The following CIZ1 variants were observed in gnomAD, a reference collection of about 807,000 sequenced individuals.
The protein encoded by CIZ1 is cip1-interacting zinc finger protein.
Under a neutral mutation model 118.6 loss-of-function variants are expected in CIZ1, and 58 were observed. That is an observed-to-expected ratio of 0.49 (90% CI 0.40 to 0.61). The LOEUF (loss-of-function observed/expected upper bound fraction) is 0.61. CIZ1 is among the 20% of genes least tolerant of loss of function. The pLI is 0.00. For synonymous variants in CIZ1, 448 were observed against 443.4 expected, an observed-to-expected ratio of 1.01 and a Z score of -0.13; for missense variants, 921 against 1,115.9, an observed-to-expected ratio of 0.83 and a Z score of 2.49.
At chr9:128,174,031 A>AC (rs1830555478) in intron 11 of CIZ1, among the ~76,000 whole-genome samples, 1 of 134,092 alleles carries the variant, frequency 7.5e-6, no homozygotes, top group Non-Finnish European at 1.7e-5. Flanking sequence ...AAACAAAAAA[A>AC]AAAAACAAAG....
intron 1 of CIZ1, among the ~76,000 whole-genome samples, chr9:128,198,603 G>T (rs1006147922): frequency 6.6e-6 from 1 of 151,790 alleles, no homozygotes; most frequent in Non-Finnish European, 1.5e-5. Flanking sequence ...GGAGGCCGAG[G>T]CGGGCAGATC....
chr9:128,179,800 G>A (rs1280259887), intron 7 of CIZ1, among the ~76,000 whole-genome samples: 1 of 152,110 alleles, frequency 6.6e-6, no homozygotes. Flanking sequence ...AGCCTCCGGA[G>A]TAGCTGGGAT....
At position 128,203,642 on chromosome 9, in the gene CIZ1, C is replaced by G. The variant is rs1483670500; in HGVS notation, c.-6+544G>C. 6 of 1,515,718 alleles carry G rather than the reference C, an allele frequency of 4.0e-6. No homozygotes were observed. The Admixed American group carries it at 1.3e-4, about 32-fold the overall frequency. The allele number at this position is 1,515,718 out of a possible 1,614,324, so 93.9% of individuals were successfully genotyped here. On this transcript the variant is annotated intron_variant, in intron 1 of 17. Coordinates refer to the CIZ1 transcript ENST00000372948. This position sits in a 1 kb window ranked among gnomAD's most constrained non-coding sequence, Gnocchi z 5.3. ...GAATTTCGTAGGCAGGTAGGCGCGG[C>G]GCGCCCCCAGGCGCCGACCCCCGAC...
In CIZ1 at chr9:128,203,330, A is replaced by C; in HGVS notation, c.-6+856T>G. 1 of 714,300 alleles carries C rather than the reference A, an allele frequency of 1.4e-6. No individual in the cohort carries two copies. The highest frequency in any genetic ancestry group is 1.8e-6 in the Non-Finnish European group (1 of 541,720). 44.2% of individuals were successfully genotyped at this position (714,300 alleles called of 1,614,324 possible). On this transcript the variant is annotated intron_variant, in intron 1 of 17. Coordinates refer to the CIZ1 transcript ENST00000372948. This position sits in a 1 kb window ranked among gnomAD's most constrained non-coding sequence, Gnocchi z 5.3. Reference sequence around the variant, plus strand: ...CGGGCTCCCCCTAGCGGCGTCCGGGAGCGGTGCTCGCTCCGATCCCCGAGG... The same window carrying C: ...CGGGCTCCCCCTAGCGGCGTCCGGGCGCGGTGCTCGCTCCGATCCCCGAGG...
At chr9:128,177,831 C>T in intron 9 of CIZ1, 68 bp from the exon 10 acceptor site, 1 of 1,111,270 alleles carries the variant, frequency 9.0e-7, no homozygotes, top group Non-Finnish European at 1.3e-6. Context: ...CAGCATTCAA[C>T]ATCTGCCAAC....
chr9:128,204,210 T>A (rs1439735234), exon 1 of CIZ1: 2 of 152,474 alleles, frequency 1.3e-5, no homozygotes, highest in East Asian at 3.9e-4. Context: ...CCGCCATCCG[T>A]GCGCAGCGCG....
intron 5 of CIZ1, among the ~76,000 whole-genome samples, chr9:128,184,121 G>C (rs1272293088): frequency 6.6e-6 from 1 of 152,148 alleles, no homozygotes; most frequent in Non-Finnish European, 1.5e-5. Context: ...TAGAATGTCA[G>C]GTTATGATAT....
At position 128,203,692 on chromosome 9, in the gene CIZ1, C is replaced by G. The variant is rs552678023; in HGVS notation, c.-6+494G>C. On this transcript the variant is annotated intron_variant, in intron 1 of 17. Coordinates refer to the CIZ1 transcript ENST00000372948. The surrounding 1 kb of genome is among the most constrained non-coding windows in gnomAD (Gnocchi z 5.3). The stretch of plus-strand genomic sequence containing the variant: ...CCCCCGGGATCCCTGGAGTCCCCGC[C>G]CGGGGCACTGACGGCGCGGCGACCT... The G allele has an allele frequency of 9.2e-5, 128 of 1,386,610 alleles. No individual in the cohort carries two copies. The African/African-American group carries it at 1.8e-3, about 19-fold the overall frequency. 85.9% of individuals were successfully genotyped at this position (1,386,610 alleles called of 1,614,324 possible).
chr9:128,180,963 T>G (rs1831523599), intron 5 of CIZ1, 149 bp from the exon 6 acceptor site: 2 of 642,272 alleles, frequency 3.1e-6, no homozygotes, highest in South Asian at 1.8e-5. Flanking sequence ...GAGTGGATGA[T>G]CTTAGTAAAA....
chr9:128,185,874 C>T (rs993921694), intron 4 of CIZ1, 98 bp from the exon 5 acceptor site: 12 of 845,936 alleles, frequency 1.4e-5, no homozygotes, highest in Admixed American at 1.2e-4. Flanking sequence ...GGGAACATCC[C>T]AGATAATTGA....
chr9:128,181,415 G>T (rs1006778427), intron 5 of CIZ1, among the ~76,000 whole-genome samples: 3 of 152,224 alleles, frequency 2.0e-5, no homozygotes, highest in African/African-American at 4.8e-5. Context: ...TATAAAACAA[G>T]AATTGTTATA....
Position 128,166,124 on chromosome 9 carries a change from G to T in CIZ1, c.*73C>A. On this transcript the variant is annotated 3_prime_UTR_variant, in exon 17 of 17. Coordinates refer to ENST00000372938, the MANE Select transcript of CIZ1 (RefSeq NM_001131016.2). The surrounding 1 kb of genome is among the most constrained non-coding windows in gnomAD (Gnocchi z 4.4). ...GAGTAAAAACATGAACCATGTCAAA[G>T]TTTCCAGGCAGACTCCTAAAAAGCA... 9.1e-7 allele frequency: 1 copy of T among 1,100,048 alleles called. No individual in the cohort carries two copies. The allele number at this position is 1,100,048 out of a possible 1,614,324, so 68.1% of individuals were successfully genotyped here. A position where few individuals can be genotyped will look rare whatever the true frequency, so the allele number is the denominator to read the frequency against.
chr9:128,196,475 G>C (rs1440776905), upstream of CIZ1, among the ~76,000 whole-genome samples: 2 of 151,576 alleles, frequency 1.3e-5, no homozygotes, highest in Non-Finnish European at 2.9e-5. Flanking sequence ...TTGGGCCAGA[G>C]AGGTCAAGTC....
In CIZ1 at chr9:128,166,816, G is replaced by A; in HGVS notation, c.2430C>T (p.Ser810=). Residue 810 remains serine (S), a synonymous_variant, in exon 16 of 17, where the codon AGC becomes AGT. Coordinates refer to ENST00000372938, the MANE Select transcript of CIZ1 (RefSeq NM_001131016.2). This position sits in a 1 kb window ranked among gnomAD's most constrained non-coding sequence, Gnocchi z 4.4. ...ICRICHKFYH[S]NSGAQLSHCK... is the part of the protein sequence containing the mutation. ...AGTGGGAGAGCTGTGCCCCTGAGTT[G>A]CTGTGATAGAACTTGTGGCAGATGC... 1 of 1,614,214 alleles carries A rather than the reference G, an allele frequency of 6.2e-7. No individual in the cohort carries two copies. The highest frequency in any genetic ancestry group is 1.1e-5 in the South Asian group (1 of 91,088).
chr9:128,172,579 G>A (rs981518724), intron 11 of CIZ1, among the ~76,000 whole-genome samples: 3 of 152,152 alleles, frequency 2.0e-5, no homozygotes, highest in Admixed American at 6.5e-5. Context: ...ATAAATTTTA[G>A]GGGACACATG....
intron 1 of CIZ1, chr9:128,199,840 T>C (rs13283265): frequency 2.7e-5 from 4 of 146,376 alleles, no homozygotes; most frequent in African/African-American, 1.0e-4. Flanking sequence ...CTGGAGTGCA[T>C]GGTGTGATCT....
intron 10 of CIZ1, 24 bp downstream of exon 10, chr9:128,177,542 C>CAATAA: frequency 1.6e-6 from 2 of 1,229,496 alleles, no homozygotes; most frequent in Non-Finnish European, 2.2e-6. Context: ...CACCCCTCCC[C>CAATAA]ACCCTTATCT....
chr9:128,189,104 T>G lies in CIZ1; in HGVS notation c.287-1170A>C, dbSNP rs528414276. On this transcript the variant is annotated intron_variant, in intron 3 of 16. Coordinates refer to ENST00000372938, the MANE Select transcript of CIZ1 (RefSeq NM_001131016.2). The stretch of plus-strand genomic sequence containing the variant: ...GTGTGAGCCACCACACCCAGCCTAA[T>G]TTTTGTATTTTTAATAGAGACAGAG... Among the ~76,000 whole-genome samples, 112 of 152,048 alleles carry G rather than the reference T, an allele frequency of 7.4e-4. 1 individual carries two copies. The highest frequency in any genetic ancestry group is 2.6e-3 in the African/African-American group (107 of 41,506).
At chr9:128,173,887 T>A (rs888347107) in intron 11 of CIZ1, among the ~76,000 whole-genome samples, 1 of 151,932 alleles carries the variant, frequency 6.6e-6, no homozygotes, top group Non-Finnish European at 1.5e-5. Flanking sequence ...GCGCCTGTAG[T>A]CCCAGCTACT....
Sources: allele counts gnomAD v4.1 joint callset (sites outside exome capture counted in the v4.1 genomes callset), GRCh38; gene constraint gnomAD v4.1.1; non-coding constraint Gnocchi (gnomAD v3.1); transcripts MANE v1.5; gene names NCBI Gene and HGNC (gene_info 2026-07-23, HGNC 2026-07-21).